Variants in TMEM232 observed in about 807,000 individuals in gnomAD.
The protein encoded by TMEM232 is transmembrane protein 232.
In TMEM232, 80 loss-of-function variants were observed where a neutral mutation model predicts 78.8. The ratio of observed to expected loss-of-function variants is 1.01; its 90% confidence interval spans 0.85 to 1.22. The LOEUF is 1.22. Among genes scored for constraint, TMEM232 ranks in the 50% most tolerant of loss-of-function variants. The pLI is 0.00. For synonymous variants in TMEM232, 297 were observed against 254.3 expected (o/e 1.17, Z -1.60); for missense variants, 881 against 742.2 (o/e 1.19, Z -2.17).
intron 12 of TMEM232, among the ~76,000 whole-genome samples, chr5:110,494,622 CAT>C (rs1765450817): frequency 2.0e-5 from 3 of 152,018 alleles, no homozygotes; most frequent in South Asian, 2.1e-4. Flanking sequence ...AAAACAGTGC[CAT>C]ATGTCACCAG....
intron 10 of TMEM232, among the ~76,000 whole-genome samples, chr5:110,597,486 C>T (rs1223087671): frequency 2.0e-5 from 3 of 152,102 alleles, no homozygotes; most frequent in Non-Finnish European, 4.4e-5. Flanking sequence ...CTACCAGTGA[C>T]TTTCTTCACA....
chr5:110,419,898 T>C lies in TMEM232; in HGVS notation c.*682A>G, dbSNP rs966093331. Among the ~76,000 whole-genome samples, 1 of 152,158 alleles carries C rather than the reference T, an allele frequency of 6.6e-6. No individual in the cohort carries two copies. Among genetic ancestry groups the C allele is most frequent in the Non-Finnish European group, 1.5e-5 (1 of 67,994 alleles). On this transcript the variant is annotated 3_prime_UTR_variant, in exon 14 of 14. Transcript: ENST00000455884. Reference sequence around the variant, plus strand: ...AAAATAACTCCTATTTCTATGAATGTCTTCAGCAGTTGCTCCTGGACCTTC... The same window carrying C: ...AAAATAACTCCTATTTCTATGAATGCCTTCAGCAGTTGCTCCTGGACCTTC...
chr5:110,586,314 T>C (rs1778813030), intron 10 of TMEM232, among the ~76,000 whole-genome samples: 1 of 152,088 alleles, frequency 6.6e-6, no homozygotes, highest in Non-Finnish European at 1.5e-5. Context: ...ATTTGTGATT[T>C]TTCTGTTTTG....
intron 10 of TMEM232, among the ~76,000 whole-genome samples, chr5:110,584,002 T>G (rs1778515090): frequency 6.7e-6 from 1 of 148,534 alleles, no homozygotes; most frequent in South Asian, 2.1e-4. Flanking sequence ...AAGACAAGTG[T>G]CGGCAGGGTT....
chr5:110,669,695 C>A (rs1401840314), intron 1 of TMEM232, among the ~76,000 whole-genome samples: 2 of 152,126 alleles, frequency 1.3e-5, no homozygotes, highest in Non-Finnish European at 2.9e-5. Flanking sequence ...CAATTTGAGA[C>A]CAAGATCCCT....
intron 1 of TMEM232, among the ~76,000 whole-genome samples, chr5:110,671,384 A>C (rs990379126): frequency 1.5e-4 from 23 of 152,302 alleles, no homozygotes; most frequent in South Asian, 2.1e-4. Context: ...TTGACCCAGC[A>C]ATCCCATTAC....
intron 2 of TMEM232, among the ~76,000 whole-genome samples, chr5:110,647,479 C>A (rs1015352785): frequency 2.0e-5 from 3 of 151,958 alleles, no homozygotes; most frequent in South Asian, 4.1e-4. Context: ...TGCAAAAATA[C>A]GTATGTTATT....
intron 4 of TMEM232, among the ~76,000 whole-genome samples, chr5:110,389,336 A>T (rs1755096637): frequency 6.6e-6 from 1 of 152,168 alleles, no homozygotes; most frequent in Admixed American, 6.5e-5. Flanking sequence ...CATTGGAAAC[A>T]TTAAACAAAA....
intron 2 of TMEM232, among the ~76,000 whole-genome samples, chr5:110,656,202 C>A (rs113199859): frequency 7.9e-5 from 12 of 152,226 alleles, no homozygotes; most frequent in African/African-American, 2.9e-4. Context: ...ACCATTGTAG[C>A]CCCCAATCAA....
At chr5:110,656,104 T>C (rs1457901090) in intron 2 of TMEM232, among the ~76,000 whole-genome samples, 1 of 152,074 alleles carries the variant, frequency 6.6e-6, no homozygotes, top group African/African-American at 2.4e-5. Context: ...TGAAAGGTTA[T>C]GTACAGCCAA....
chr5:110,412,856 TCA>T (rs1195770880), intron 2 of TMEM232, among the ~76,000 whole-genome samples: 1 of 152,196 alleles, frequency 6.6e-6, no homozygotes, highest in Non-Finnish European at 1.5e-5. Context: ...TACTAAACTT[TCA>T]GTGTATTAAA....
intron 10 of TMEM232, among the ~76,000 whole-genome samples, chr5:110,570,824 G>T (rs1212602487): frequency 6.6e-6 from 1 of 151,898 alleles, no homozygotes; most frequent in African/African-American, 2.4e-5. Context: ...TTGTCCCTAT[G>T]TAAATTCCAA....
rs184963648 is a variant in TMEM232, at chr5:110,476,497, T to C, written c.1704-51581A>G. Among the ~76,000 whole-genome samples the C allele has an allele frequency of 7.9e-5, 12 of 152,178 alleles. No individual in the cohort carries two copies. In the East Asian group the frequency reaches 1.9e-3, roughly 24 times the overall value. On this transcript the variant is annotated intron_variant, in intron 12 of 13. Coordinates refer to ENST00000455884, the MANE Select transcript of TMEM232 (RefSeq NM_001039763.4). ...AAATTTCTCTTGTTTCAGTATCCCA[T>C]ACTGATTTTGTTATGGTATCCCTAG...
intron 1 of TMEM232, among the ~76,000 whole-genome samples, chr5:110,712,105 C>CAAAAAAAA (rs61482697): frequency 3.1e-5 from 2 of 65,410 alleles, no homozygotes; most frequent in Non-Finnish European, 3.6e-5. Context: ...GACTCAATCT[C>CAAAAAAAA]AAAAAAAAAA....
At chr5:110,561,372 A>G (rs1775719231) in intron 11 of TMEM232, among the ~76,000 whole-genome samples, 1 of 151,710 alleles carries the variant, frequency 6.6e-6, no homozygotes, top group African/African-American at 2.4e-5. Context: ...TCAAGACCAT[A>G]ATGTGTGTGT....
intron 12 of TMEM232, among the ~76,000 whole-genome samples, chr5:110,476,113 T>A (rs1053039925): frequency 6.6e-6 from 1 of 151,976 alleles, no homozygotes; most frequent in Non-Finnish European, 1.5e-5. Flanking sequence ...AATGTCATAA[T>A]TGAAAGGAAA....
chr5:110,557,448 T>A (rs908085687), intron 11 of TMEM232, among the ~76,000 whole-genome samples: 2 of 152,176 alleles, frequency 1.3e-5, no homozygotes, highest in Admixed American at 1.3e-4. Flanking sequence ...AGAAGACTAA[T>A]GTTGATCCAT....
In TMEM232 at chr5:110,525,776, ATAAG is replaced by A. The variant is rs201236795; in HGVS notation, c.1703+2808_1703+2811del. Among the ~76,000 whole-genome samples, 993 of 151,570 alleles carry A rather than the reference ATAAG, an allele frequency of 6.6e-3. 46 individuals carry two copies. In the East Asian group the frequency reaches 0.13, roughly 20 times the overall value. On this transcript the variant is annotated intron_variant, in intron 12 of 13. Coordinates refer to ENST00000455884, the MANE Select transcript of TMEM232 (RefSeq NM_001039763.4). ...AGAACTAGCCCAATTACATAAATAT[ATAAG>A]AAAATAATTAAAACTATATATTAAA...
intron 1 of TMEM232, among the ~76,000 whole-genome samples, chr5:110,678,159 G>A (rs686676): frequency 0.58 from 87,634 of 151,944 alleles, 30,844 homozygotes; most frequent in Non-Finnish European, 0.78. Context: ...CCACCTCCCA[G>A]GTTCAAGCAA....
Sources: allele counts gnomAD v4.1 joint callset (sites outside exome capture counted in the v4.1 genomes callset), GRCh38; gene constraint gnomAD v4.1.1; transcripts MANE v1.5; gene names NCBI Gene and HGNC (gene_info 2026-07-23, HGNC 2026-07-21).